The following MARCHF4 variants were observed in gnomAD, a reference collection of about 807,000 sequenced individuals.
MARCHF4 encodes membrane associated ring-CH-type finger 4.
A neutral mutation model predicts 43.9 loss-of-function variants in MARCHF4; 14 were observed. The observed-to-expected ratio is 0.32, with a 90% CI of 0.21 to 0.50. The LOEUF (loss-of-function observed/expected upper bound fraction) is 0.50. Among genes scored for constraint, MARCHF4 ranks in the 20% least tolerant of loss-of-function variants. The pLI, the probability that MARCHF4 is intolerant of heterozygous loss-of-function variation, is 0.98. For synonymous variants in MARCHF4, 226 were observed against 213.3 expected, an observed-to-expected ratio of 1.06 and a Z score of -0.52; for missense variants, 468 against 536.7, an observed-to-expected ratio of 0.87 and a Z score of 1.27.
At chr2:216,353,488 T>C (rs1016869345) in intron 1 of MARCHF4, among the ~76,000 whole-genome samples, 2 of 152,206 alleles carry the variant, frequency 1.3e-5, no homozygotes, top group Non-Finnish European at 2.9e-5. Context: ...AAATATCAGC[T>C]TAGGGATTTG....
chr2:216,345,119 A>C (rs1692298986), intron 1 of MARCHF4, among the ~76,000 whole-genome samples: 2 of 152,080 alleles, frequency 1.3e-5, no homozygotes, highest in Non-Finnish European at 2.9e-5. Context: ...AGGAAACATC[A>C]ACAAGTAAAG....
intron 1 of MARCHF4, among the ~76,000 whole-genome samples, chr2:216,329,383 A>AAAAC (rs56726547): frequency 0.028 from 4,324 of 152,132 alleles, 189 homozygotes; most frequent in African/African-American, 0.098. Flanking sequence ...TCAGTCTCAA[A>AAAAC]AAACAAACAA....
chr2:216,370,013 C>A lies in MARCHF4; in HGVS notation c.248G>T (p.Gly83Val), dbSNP rs780385646. ...CCTCCAGCCTGCCCACCCCCCGGCG[C>A]CCAGAGCCGGAAGGGTGTTGTTGGC... Reference protein sequence around the residue: ...LAANNTLPALGAGGWAGWRGP... With the variant: ...LAANNTLPALVAGGWAGWRGP... Residue 83 changes from glycine (G) to valine (V), a missense_variant, in exon 1 of 4, where the codon GGC (glycine) becomes GTC (valine). Gly to Val is a moderately radical substitution (Grantham distance 109). Coordinates refer to ENST00000273067, the MANE Select transcript of MARCHF4 (RefSeq NM_020814.3). 6.5e-7 allele frequency: 1 copy of A among 1,540,222 alleles called. No homozygotes were observed. Among genetic ancestry groups the A allele is most frequent in the South Asian group, 1.2e-5 (1 of 84,348 alleles).
intron 1 of MARCHF4, among the ~76,000 whole-genome samples, chr2:216,355,086 C>T (rs2105981565): frequency 6.6e-6 from 1 of 151,956 alleles, no homozygotes; most frequent in Admixed American, 6.6e-5. Flanking sequence ...ATTCTCCTGC[C>T]TCAGACTCCC....
chr2:216,259,933 C>T (rs1051307547), intron 3 of MARCHF4, among the ~76,000 whole-genome samples: 1 of 152,212 alleles, frequency 6.6e-6, no homozygotes, highest in Non-Finnish European at 1.5e-5. Context: ...CACCCCACCC[C>T]CTTCCTGCCT....
chr2:216,363,855 G>A (rs1692626310), intron 1 of MARCHF4, among the ~76,000 whole-genome samples: 1 of 152,186 alleles, frequency 6.6e-6, no homozygotes, highest in Non-Finnish European at 1.5e-5. Context: ...TATATGCCAT[G>A]TAACATGTTT....
At chr2:216,267,300 A>G (rs887359143) in intron 3 of MARCHF4, among the ~76,000 whole-genome samples, 1 of 152,196 alleles carries the variant, frequency 6.6e-6, no homozygotes, top group East Asian at 1.9e-4. Context: ...CACTCATTCC[A>G]TTTGATTTTA....
intron 1 of MARCHF4, among the ~76,000 whole-genome samples, chr2:216,339,422 A>G (rs868357266): frequency 1.3e-5 from 2 of 152,328 alleles, no homozygotes; most frequent in Middle Eastern, 6.8e-3. Context: ...CTGCCTTGGC[A>G]TTTGCACATC....
chr2:216,264,033 G>A (rs927176031), intron 3 of MARCHF4, among the ~76,000 whole-genome samples: 2 of 152,116 alleles, frequency 1.3e-5, no homozygotes, highest in Non-Finnish European at 2.9e-5. Context: ...AAACAGTAAT[G>A]AGTCACCCCA....
chr2:216,302,386 T>G (rs1186662954), intron 1 of MARCHF4, among the ~76,000 whole-genome samples: 5 of 26,272 alleles, frequency 1.9e-4, no homozygotes, highest in Non-Finnish European at 4.0e-4. Context: ...GCCCATCTAA[T>G]TTTTTTTTTT....
chr2:216,336,036 C>G (rs1450131667), intron 1 of MARCHF4, among the ~76,000 whole-genome samples: 2 of 127,960 alleles, frequency 1.6e-5, no homozygotes, highest in African/African-American at 6.0e-5. Context: ...CCACTGCACT[C>G]TAGCCTGAGT....
At chr2:216,363,419 T>A (rs1312408423) in intron 1 of MARCHF4, among the ~76,000 whole-genome samples, 1 of 152,244 alleles carries the variant, frequency 6.6e-6, no homozygotes, top group Non-Finnish European at 1.5e-5. Flanking sequence ...GTATCCGTGC[T>A]TATGCGTGAG....
chr2:216,344,480 T>C (rs1186898128), intron 1 of MARCHF4, among the ~76,000 whole-genome samples: 2 of 152,110 alleles, frequency 1.3e-5, no homozygotes, highest in Non-Finnish European at 2.9e-5. Flanking sequence ...CCAGTCCTCA[T>C]GGTCACCACA....
At chr2:216,263,463 GAA>G (rs1405512756) in intron 3 of MARCHF4, among the ~76,000 whole-genome samples, 1 of 143,444 alleles carries the variant, frequency 7.0e-6, no homozygotes, top group African/African-American at 2.6e-5. Flanking sequence ...GAGAGAGAAA[GAA>G]AGAGAAAGAG....
intron 1 of MARCHF4, among the ~76,000 whole-genome samples, chr2:216,310,810 T>C (rs1408119593): frequency 6.6e-6 from 1 of 152,172 alleles, no homozygotes; most frequent in Non-Finnish European, 1.5e-5. Context: ...CATTCAGGGC[T>C]TCATCCTGCA....
At chr2:216,353,356 T>G (rs907281448) in intron 1 of MARCHF4, among the ~76,000 whole-genome samples, 2 of 152,136 alleles carry the variant, frequency 1.3e-5, no homozygotes, top group Non-Finnish European at 2.9e-5. Flanking sequence ...TGCAATATAT[T>G]AATATGTAGG....
rs779231341 is a variant in MARCHF4, at chr2:216,259,087, G to T, written c.*225C>A. On this transcript the variant is annotated 3_prime_UTR_variant, in exon 4 of 4. Coordinates refer to ENST00000273067, the MANE Select transcript of MARCHF4 (RefSeq NM_020814.3). ...CTGTATTGCACTTTGTTGTTGAGTT[G>T]GTGTTGGTTTTCATTGTTGTTGTGG... 13 of 457,906 alleles carry T rather than the reference G, an allele frequency of 2.8e-5. No individual in the cohort carries two copies. Among genetic ancestry groups the T allele is most frequent in the Non-Finnish European group, 4.1e-5 (11 of 268,488 alleles). 28.4% of individuals were successfully genotyped at this position (457,906 alleles called of 1,614,324 possible). A position where few individuals can be genotyped will look rare whatever the true frequency, so the allele number is the denominator to read the frequency against.
At chr2:216,335,718 C>T (rs1692146646) in intron 1 of MARCHF4, among the ~76,000 whole-genome samples, 1 of 150,264 alleles carries the variant, frequency 6.7e-6, no homozygotes, top group South Asian at 2.2e-4. Flanking sequence ...CAATGAGTGC[C>T]TTGAATATGA....
rs192927358 is a variant in MARCHF4, at chr2:216,352,386, C to T, written c.516+17359G>A. 1.8e-3 allele frequency among the ~76,000 whole-genome samples: 272 copies of T among 152,278 alleles called. 6 individuals are homozygous for T. The highest frequency in any genetic ancestry group is 0.018 in the Admixed American group (271 of 15,298). The stretch of plus-strand genomic sequence containing the variant: ...GCCCCAGCAGATGCTCCAGGGAGGT[C>T]GACACAACTCTACTGCCCAGGGTGA... On this transcript the variant is annotated intron_variant, in intron 1 of 3. Coordinates refer to ENST00000273067, the MANE Select transcript of MARCHF4 (RefSeq NM_020814.3).
Sources: allele counts gnomAD v4.1 joint callset (sites outside exome capture counted in the v4.1 genomes callset), GRCh38; gene constraint gnomAD v4.1.1; transcripts MANE v1.5; gene names NCBI Gene and HGNC (gene_info 2026-07-23, HGNC 2026-07-21).